GULP1: variants seen among roughly 807,000 people sequenced by gnomAD.
GULP1 encodes the protein PTB domain-containing engulfment adapter protein 1.
GULP1 carries 19 observed loss-of-function variants against 40.9 expected under a neutral mutation model. The ratio of observed to expected loss-of-function variants is 0.46; its 90% CI spans 0.32 to 0.68. The LOEUF is 0.68. Ranked by LOEUF, GULP1 falls within the 30% of genes least tolerant of loss-of-function variation. The pLI is 0.03. For missense variants in GULP1, 312 were observed against 362.2 expected (o/e 0.86, Z 1.12); for synonymous variants, 119 against 117.6 (o/e 1.01, Z -0.08).
intron 2 of GULP1, among the ~76,000 whole-genome samples, chr2:188,428,917 C>A (rs2056541421): frequency 1.3e-5 from 2 of 150,832 alleles, no homozygotes; most frequent in African/African-American, 2.4e-5. Context: ...GAAAACAAAA[C>A]AAAGAATGAA....
chr2:188,452,242 C>A (rs2058890663), intron 2 of GULP1, among the ~76,000 whole-genome samples: 1 of 152,016 alleles, frequency 6.6e-6, no homozygotes, highest in South Asian at 2.1e-4. Context: ...AAAGAAAGCA[C>A]CAGATCCAAA....
chr2:188,358,601 A>G (rs940666149), intron 1 of GULP1, among the ~76,000 whole-genome samples: 6 of 152,114 alleles, frequency 3.9e-5, no homozygotes, highest in African/African-American at 1.4e-4. Context: ...GAAATAGCAC[A>G]TTGCACCCCA....
Position 188,346,433 on chromosome 2 carries a change from A to C in GULP1, c.-171-37330A>C, listed in dbSNP as rs374428684. Among the ~76,000 whole-genome samples the C allele has an allele frequency of 2.2e-4, 33 of 152,280 alleles. 1 individual carries two copies. Among genetic ancestry groups the C allele is most frequent in the African/African-American group, 7.9e-4 (33 of 41,570 alleles). On this transcript the variant is annotated intron_variant, in intron 1 of 11. Coordinates refer to ENST00000409830, the MANE Select transcript of GULP1 (RefSeq NM_016315.4). ...AAGGCTAATAACAGAGTCTTTAAGA[A>C]AACAAACAAGAAAAGGTTTTTAGAT...
rs983873734 is a variant in GULP1 at position 188,292,879 on chromosome 2, T to A, written c.-172+713T>A. 6.5e-6 allele frequency: 1 copy of A among 152,718 alleles called. No homozygotes were observed. Among genetic ancestry groups the A allele is most frequent in the Non-Finnish European group, 1.5e-5 (1 of 68,448 alleles). 9.5% of individuals were successfully genotyped at this position (152,718 alleles called of 1,614,324 possible). On this transcript the variant is annotated intron_variant, in intron 1 of 11. Transcript: ENST00000409830. The surrounding 1 kb of genome is among the most constrained non-coding windows in gnomAD (Gnocchi z 4.0). ...GGGTGATGAGCCCTTGGGTTCTCGC[T>A]CCGACTGCTAAATTCGCTTGGCCGG...
At chr2:188,462,013 G>T (rs1384805699) in intron 2 of GULP1, among the ~76,000 whole-genome samples, 1 of 151,748 alleles carries the variant, frequency 6.6e-6, no homozygotes, top group African/African-American at 2.4e-5. Context: ...TAAGATGCAT[G>T]ATTACATTAT....
chr2:188,443,577 A>G (rs1306747570), intron 2 of GULP1, among the ~76,000 whole-genome samples: 1 of 152,228 alleles, frequency 6.6e-6, no homozygotes, highest in African/African-American at 2.4e-5. Flanking sequence ...GTATTTTATC[A>G]GTTTATATTA....
chr2:188,501,144 C>A (rs1299896333), intron 4 of GULP1, among the ~76,000 whole-genome samples: 2 of 151,858 alleles, frequency 1.3e-5, no homozygotes, highest in Non-Finnish European at 2.9e-5. Context: ...GGCTCTGTAT[C>A]CTCACCCAAA....
intron 1 of GULP1, among the ~76,000 whole-genome samples, chr2:188,377,297 T>C (rs755736183): frequency 2.0e-5 from 3 of 152,230 alleles, no homozygotes; most frequent in Non-Finnish European, 2.9e-5. Context: ...AAATAATAAT[T>C]ACTGTATATT....
At position 188,299,180 on chromosome 2, in the gene GULP1, GGGAGCAGGTGACTAAGGAT is replaced by G. The variant is rs1322311916; in HGVS notation, c.-172+7016_-172+7034del. ...TAAGGACAGAGCAGGTGACTAAGGA[GGGAGCAGGTGACTAAGGAT>G]GACTAAGGACAGAGCAGGTGACTAA... On this transcript the variant is annotated intron_variant, in intron 1 of 11. Transcript: ENST00000409830. 3.9e-5 allele frequency among the ~76,000 whole-genome samples: 5 copies of G among 127,272 alleles called. No homozygotes were observed. The East Asian group carries it at 1.0e-3, about 26-fold the overall frequency. 83.5% of individuals were successfully genotyped at this position (127,272 alleles called of 152,430 possible).
At chr2:188,569,141 A>G (rs1698478459) in intron 7 of GULP1, 98 bp from the exon 8 acceptor site, 1 of 704,552 alleles carries the variant, frequency 1.4e-6, no homozygotes, top group East Asian at 2.6e-5. Context: ...CCTCTTGTGA[A>G]TGTCTTGGAG....
intron 2 of GULP1, among the ~76,000 whole-genome samples, chr2:188,469,971 G>C (rs1401516664): frequency 6.6e-6 from 1 of 152,122 alleles, no homozygotes; most frequent in Non-Finnish European, 1.5e-5. Context: ...GTACTGTGTT[G>C]AGGATTTTTG....
chr2:188,330,823 T>C (rs994144738), intron 1 of GULP1, among the ~76,000 whole-genome samples: 2 of 152,196 alleles, frequency 1.3e-5, no homozygotes, highest in African/African-American at 4.8e-5. Flanking sequence ...CACAGTTCCA[T>C]AGATGTCTCT....
At chr2:188,422,530 T>A (rs1575149208) in intron 2 of GULP1, among the ~76,000 whole-genome samples, 1 of 151,922 alleles carries the variant, frequency 6.6e-6, no homozygotes, top group Non-Finnish European at 1.5e-5. Context: ...TTAGCGAACA[T>A]GTAATTTAAT....
At chr2:188,510,891 G>T (rs2064457430) in intron 4 of GULP1, among the ~76,000 whole-genome samples, 2 of 151,580 alleles carry the variant, frequency 1.3e-5, no homozygotes, top group South Asian at 4.2e-4. Flanking sequence ...CCAAATCCTA[G>T]TGGCTTAAAA....
At chr2:188,435,933 A>G (rs2057365369) in intron 2 of GULP1, among the ~76,000 whole-genome samples, 1 of 152,130 alleles carries the variant, frequency 6.6e-6, no homozygotes, top group Admixed American at 6.6e-5. Context: ...CCCTCTTTTA[A>G]TGAATCTCAC....
chr2:188,563,446 G>A (rs1474111375), intron 7 of GULP1, among the ~76,000 whole-genome samples: 1 of 150,502 alleles, frequency 6.6e-6, no homozygotes, highest in Non-Finnish European at 1.5e-5. Context: ...CAAATTGACA[G>A]AAAAGAAGTA....
At chr2:188,565,936 T>C (rs907235405) in intron 7 of GULP1, among the ~76,000 whole-genome samples, 1 of 152,096 alleles carries the variant, frequency 6.6e-6, no homozygotes, top group Non-Finnish European at 1.5e-5. Flanking sequence ...TAATACATAT[T>C]AGTCTATTTT....
At chr2:188,503,644 A>G (rs575605652) in intron 4 of GULP1, among the ~76,000 whole-genome samples, 71 of 152,014 alleles carry the variant, frequency 4.7e-4, no homozygotes, top group African/African-American at 1.4e-3. Context: ...AATTCTTCCA[A>G]TGTGGCCCAG....
intron 2 of GULP1, among the ~76,000 whole-genome samples, chr2:188,406,642 A>G (rs866647989): frequency 1.7e-4 from 26 of 152,252 alleles, no homozygotes; most frequent in Admixed American, 1.5e-3. Context: ...AAACTTGAAG[A>G]TAGGTTATTC....
Sources: allele counts gnomAD v4.1 joint callset (sites outside exome capture counted in the v4.1 genomes callset), GRCh38; gene constraint gnomAD v4.1.1; non-coding constraint Gnocchi (gnomAD v3.1); transcripts MANE v1.5; gene names NCBI Gene and HGNC (gene_info 2026-07-23, HGNC 2026-07-21).